Variants in C12orf56 observed in about 807,000 individuals in gnomAD.
C12orf56 encodes uncharacterized protein C12orf56.
In C12orf56, 71 loss-of-function variants were observed where a neutral mutation model predicts 69.9. The ratio of observed to expected loss-of-function variants is 1.02; its 90% CI spans 0.84 to 1.24. The LOEUF is 1.24. Among genes scored for constraint, C12orf56 ranks in the 50% most tolerant of loss-of-function variants. The probability of loss-of-function intolerance (pLI) is 0.00; values close to 1 mark genes in which losing one functional copy is unlikely to be tolerated. For synonymous variants in C12orf56, 276 were observed against 274.1 expected, an observed-to-expected ratio of 1.01 and a Z score of -0.07; for missense variants, 732 against 738.5, an observed-to-expected ratio of 0.99 and a Z score of 0.10.
chr12:64,323,318 C>T (rs903115907), intron 3 of C12orf56, among the ~76,000 whole-genome samples: 2 of 152,156 alleles, frequency 1.3e-5, no homozygotes, highest in Non-Finnish European at 2.9e-5. Context: ...TGTATTCATA[C>T]ATTTAAAATA....
At chr12:64,305,808 C>A (rs1275323173) in intron 5 of C12orf56, among the ~76,000 whole-genome samples, 1 of 152,192 alleles carries the variant, frequency 6.6e-6, no homozygotes, top group Non-Finnish European at 1.5e-5. Flanking sequence ...CTAATTACCA[C>A]CATATTTCAT....
chr12:64,269,075 G>C (rs1041640986), intron 12 of C12orf56, among the ~76,000 whole-genome samples: 1 of 151,044 alleles, frequency 6.6e-6, no homozygotes, highest in Non-Finnish European at 1.5e-5. Flanking sequence ...AGGAGGCAGA[G>C]ATTGTGATAA....
intron 1 of C12orf56, among the ~76,000 whole-genome samples, chr12:64,380,114 A>C (rs1263439827): frequency 4.4e-5 from 2 of 45,390 alleles, no homozygotes; most frequent in East Asian, 3.6e-4. Flanking sequence ...CAAAAAAAAA[A>C]AAAAAAAAAA....
chr12:64,268,154 G>A (rs1484688346), intron 12 of C12orf56, among the ~76,000 whole-genome samples: 2 of 152,184 alleles, frequency 1.3e-5, no homozygotes, highest in African/African-American at 4.8e-5. Flanking sequence ...TGCAATGTGA[G>A]TTGAAAACAC....
chr12:64,354,190 A>G lies in C12orf56; in HGVS notation c.253-1134T>C, dbSNP rs1389025432. Among the ~76,000 whole-genome samples, 4 of 152,194 alleles carry G rather than the reference A, an allele frequency of 2.6e-5. No individual in the cohort carries two copies. In the East Asian group the frequency reaches 7.7e-4, roughly 29 times the overall value. On this transcript the variant is annotated intron_variant, in intron 1 of 12. Transcript: ENST00000543942. ...TTCTCTATTCTGGATAAAAAAGGGA[A>G]AAGGTCTCAATAAATAGATAGGACA...
intron 11 of C12orf56, among the ~76,000 whole-genome samples, chr12:64,272,311 C>T (rs933742109): frequency 1.3e-5 from 2 of 152,038 alleles, no homozygotes; most frequent in Non-Finnish European, 2.9e-5. Context: ...TTGAGACCAG[C>T]GTGGCTAACA....
Position 64,390,397 on chromosome 12 carries a change from C to T in C12orf56, c.169G>A (p.Asp57Asn). ...NHILKYVVLS[D>N]RLVYLTENPP... ...TTCTCGGTTAGGTAGACGAGCCGGT[C>T]GCTTAGCACCACATACTTGAGGATG... Residue 57 changes from aspartate (D) to asparagine (N), a missense_variant, in exon 1 of 13, where the codon GAC becomes AAC. Coordinates refer to ENST00000543942, the MANE Select transcript of C12orf56 (RefSeq NM_001170633.2). The T allele has an allele frequency of 1.2e-6, 2 of 1,613,314 alleles. No homozygotes were observed. The highest frequency in any genetic ancestry group is 1.7e-4 in the Middle Eastern group (1 of 6,056).
chr12:64,292,997 C>T (rs1429100296), intron 6 of C12orf56, among the ~76,000 whole-genome samples: 1 of 150,926 alleles, frequency 6.6e-6, no homozygotes, highest in Admixed American at 6.6e-5. Context: ...TGCTAGCAAT[C>T]AGCGAGACTC....
intron 2 of C12orf56, among the ~76,000 whole-genome samples, chr12:64,349,242 C>T (rs1015188622): frequency 6.6e-6 from 1 of 152,122 alleles, no homozygotes; most frequent in African/African-American, 2.4e-5. Context: ...AGAAGATACA[C>T]AAATGGCCAA....
intron 6 of C12orf56, among the ~76,000 whole-genome samples, chr12:64,298,861 C>G (rs1334338505): frequency 6.6e-6 from 1 of 152,116 alleles, no homozygotes; most frequent in African/African-American, 2.4e-5. Context: ...CTTGGCTATG[C>G]GGGCTCTTTT....
chr12:64,375,391 T>C (rs540097163), intron 1 of C12orf56, among the ~76,000 whole-genome samples: 1 of 152,122 alleles, frequency 6.6e-6, no homozygotes, highest in Non-Finnish European at 1.5e-5. Context: ...GGAAATGAGG[T>C]TAGAGGAAAA....
chr12:64,380,104 CAAAAAAAAA>C (rs60079906), intron 1 of C12orf56, among the ~76,000 whole-genome samples: 801 of 49,916 alleles, frequency 0.016, 37 homozygotes, highest in East Asian at 0.025. Flanking sequence ...GACTCCGTCG[CAAAAAAAAA>C]AAAAAAAAAA....
intron 4 of C12orf56, among the ~76,000 whole-genome samples, chr12:64,313,624 A>G (rs1314582666): frequency 6.6e-6 from 1 of 151,448 alleles, no homozygotes; most frequent in African/African-American, 2.4e-5. Flanking sequence ...TTATAAACAC[A>G]TAAATTTATA....
rs370314509 is a variant in C12orf56 at position 64,311,486 on chromosome 12, T to C, written c.968+1193A>G. ...CGTTATGGAGGAGCCCCTCCTAACT[T>C]AGTTCTGGAGTGTCAAGAAAGATTT... On this transcript the variant is annotated intron_variant, in intron 5 of 12. Transcript: ENST00000543942. Among the ~76,000 whole-genome samples the C allele has an allele frequency of 1.2e-3, 186 of 151,720 alleles. 1 individual carries two copies. The highest frequency in any genetic ancestry group is 4.1e-3 in the African/African-American group (171 of 41,366).
intron 1 of C12orf56, among the ~76,000 whole-genome samples, chr12:64,384,290 G>T (rs1370558556): frequency 6.6e-6 from 1 of 152,026 alleles, no homozygotes; most frequent in African/African-American, 2.4e-5. Flanking sequence ...CTCTTTCCAT[G>T]CAAAATCAGA....
rs188296995 is a variant in C12orf56 at position 64,330,539 on chromosome 12, A to G, written c.488+421T>C. Among the ~76,000 whole-genome samples, 7 of 152,300 alleles carry G rather than the reference A, an allele frequency of 4.6e-5. No homozygotes were observed. In the East Asian group the frequency reaches 1.3e-3, roughly 29 times the overall value. On this transcript the variant is annotated intron_variant, in intron 3 of 12. Transcript: ENST00000543942. ...TTGCTCAGACTCATTCAGGACACTT[A>G]GCATGTGGACTATGTATTTTCTTAA...
intron 5 of C12orf56, among the ~76,000 whole-genome samples, chr12:64,308,052 C>A (rs2038539278): frequency 6.6e-6 from 1 of 152,002 alleles, no homozygotes; most frequent in South Asian, 2.1e-4. Context: ...GGCGCGGTGG[C>A]TCGTGCCTGT....
chr12:64,305,612 A>G (rs985076502), intron 5 of C12orf56, among the ~76,000 whole-genome samples: 3 of 152,048 alleles, frequency 2.0e-5, no homozygotes, highest in Non-Finnish European at 4.4e-5. Context: ...CAAACTCCTT[A>G]CCTCAGGTAA....
At chr12:64,331,295 G>T (rs1457820809) in intron 2 of C12orf56, among the ~76,000 whole-genome samples, 1 of 152,094 alleles carries the variant, frequency 6.6e-6, no homozygotes, top group East Asian at 1.9e-4. Flanking sequence ...GAGCTCACAA[G>T]TTCAAGACGA....
Sources: gnomAD v4.1 joint callset for allele counts (sites outside exome capture counted in the v4.1 genomes callset) on GRCh38, gnomAD v4.1.1 for gene constraint, MANE v1.5 for transcripts, NCBI Gene and HGNC (gene_info 2026-07-23, HGNC 2026-07-21) for gene names.